The following TCF4 variants were observed in gnomAD, a reference collection of about 807,000 sequenced individuals.
TCF4 encodes the protein transcription factor 4, also known as SL3-3 enhancer factor 2.
In TCF4, 3 loss-of-function variants were observed where a neutral mutation model predicts 82.1. That is an observed-to-expected ratio of 0.04 (90% CI 0.02 to 0.09). The LOEUF is 0.09. TCF4 is among the 10% of genes least tolerant of loss of function. TCF4 has a pLI of 1.00. For missense variants in TCF4, 518 were observed against 852.7 expected (o/e 0.61, Z 4.89); for synonymous variants, 276 against 309.6 (o/e 0.89, Z 1.14).
intron 5 of TCF4, among the ~76,000 whole-genome samples, chr18:55,418,077 CAAT>C (rs1413627684): frequency 6.7e-6 from 1 of 149,548 alleles, no homozygotes; most frequent in East Asian, 2.0e-4. Context: ...AGATTCTAAA[CAAT>C]AATGATTATC....
intron 11 of TCF4, among the ~76,000 whole-genome samples, chr18:55,264,112 C>T (rs1306896154): frequency 6.6e-6 from 1 of 151,986 alleles, no homozygotes; most frequent in Non-Finnish European, 1.5e-5. Flanking sequence ...TTAGAAGAGG[C>T]AAGATATTAT....
At position 55,483,003 on chromosome 18, in the gene TCF4, T is replaced by C. The variant is rs114740105; in HGVS notation, c.146-18866A>G. ...TAGACGTAATTTTATATTTTTAGGATTCTCAAGTAATGTCTTGCCCACTGA... is the reference window on the plus strand; with the variant it reads ...TAGACGTAATTTTATATTTTTAGGACTCTCAAGTAATGTCTTGCCCACTGA... On this transcript the variant is annotated intron_variant, in intron 3 of 19. Coordinates refer to ENST00000354452, the MANE Select transcript of TCF4 (RefSeq NM_001083962.2). 102 of 152,340 alleles carry C rather than the reference T, an allele frequency of 6.7e-4. 1 individual carries two copies. The highest frequency in any genetic ancestry group is 2.4e-3 in the African/African-American group (98 of 41,564). The allele number at this position is 152,340 out of a possible 1,614,324, so 9.4% of individuals were successfully genotyped here. A position where few individuals can be genotyped will look rare whatever the true frequency, so the allele number is the denominator to read the frequency against.
At chr18:55,635,600 G>A (rs1603625828) in intron 1 of TCF4, 1 of 1,405,924 alleles carries the variant, frequency 7.1e-7, no homozygotes, top group Non-Finnish European at 9.4e-7. Context: ...AGAGGTTAGA[G>A]AGCTAGAAAC....
chr18:55,571,792 CAT>C (rs776129855), intron 3 of TCF4, among the ~76,000 whole-genome samples: 4 of 141,176 alleles, frequency 2.8e-5, no homozygotes, highest in South Asian at 4.5e-4. Flanking sequence ...ATAATTCAAG[CAT>C]AAAGAAAACA....
At chr18:55,370,579 A>T (rs2088805998) in intron 6 of TCF4, among the ~76,000 whole-genome samples, 1 of 152,156 alleles carries the variant, frequency 6.6e-6, no homozygotes, top group African/African-American at 2.4e-5. Flanking sequence ...CTAATTCAAA[A>T]TGGGCCGCTC....
Position 55,401,001 on chromosome 18 carries a change from C to G in TCF4, c.369+2453G>C, listed in dbSNP as rs1300294840. ...AGCCTCCCCTCCACGAGTCACTCAC[C>G]TTGTCACACAGTGGGGAATCATTTC... On this transcript the variant is annotated intron_variant, in intron 6 of 19. Transcript: ENST00000354452. 6 of 1,289,078 alleles carry G rather than the reference C, an allele frequency of 4.7e-6. No homozygotes were observed. The South Asian group carries it at 6.2e-5, about 13-fold the overall frequency. 79.9% of individuals were successfully genotyped at this position (1,289,078 alleles called of 1,614,324 possible). A position where few individuals can be genotyped will look rare whatever the true frequency, so the allele number is the denominator to read the frequency against.
rs921579450 is a variant in TCF4, at chr18:55,226,387, C to A, written c.*1648G>T. The A allele has an allele frequency of 1.3e-5, 2 of 152,406 alleles. No individual in the cohort carries two copies. The highest frequency in any genetic ancestry group is 6.6e-5 in the Admixed American group (1 of 15,264). 9.4% of individuals were successfully genotyped at this position (152,406 alleles called of 1,614,324 possible). A position where few individuals can be genotyped will look rare whatever the true frequency, so the allele number is the denominator to read the frequency against. ...CTAGGAGCACTATTTGTTTACTGCA[C>A]TATACACCAAAGTCAATCATTATAA... On this transcript the variant is annotated 3_prime_UTR_variant, in exon 20 of 20. Coordinates refer to ENST00000354452, the MANE Select transcript of TCF4 (RefSeq NM_001083962.2).
At chr18:55,602,091 A>T (rs2147947475) in intron 2 of TCF4, among the ~76,000 whole-genome samples, 1 of 152,336 alleles carries the variant, frequency 6.6e-6, no homozygotes, top group South Asian at 2.1e-4. Flanking sequence ...AAATATAGAA[A>T]ATATATAGCA....
intron 3 of TCF4, among the ~76,000 whole-genome samples, chr18:55,511,898 ATAAT>A (rs2096832323): frequency 6.6e-6 from 1 of 152,188 alleles, no homozygotes; most frequent in Non-Finnish European, 1.5e-5. Flanking sequence ...AATACTAAAA[ATAAT>A]TAATCATTGC....
chr18:55,357,501 G>C (rs1016368230), intron 6 of TCF4, among the ~76,000 whole-genome samples: 3 of 152,114 alleles, frequency 2.0e-5, no homozygotes, highest in Non-Finnish European at 2.9e-5. Flanking sequence ...AGTAAAAATA[G>C]AACAATTTGA....
At chr18:55,275,291 A>C (rs1435838479) in intron 10 of TCF4, among the ~76,000 whole-genome samples, 6 of 150,958 alleles carry the variant, frequency 4.0e-5, no homozygotes, top group African/African-American at 1.2e-4. Flanking sequence ...AAAAAAAAAA[A>C]AAAAAAACCA....
rs796053410 is a variant in TCF4, at chr18:55,588,046, C to T, written c.-29G>A. 8 of 983,088 alleles carry T rather than the reference C, an allele frequency of 8.1e-6. No individual in the cohort carries two copies. The African/African-American group carries it at 1.4e-4, about 17-fold the overall frequency. 60.9% of individuals were successfully genotyped at this position (983,088 alleles called of 1,614,324 possible). A position where few individuals can be genotyped will look rare whatever the true frequency, so the allele number is the denominator to read the frequency against. ...CAGGCGCCGGTACCTACCGCCCGCG[C>T]GCGAGAAGGGGCTCTCCGTGCACCG... On this transcript the variant is annotated 5_prime_UTR_variant, in exon 1 of 20. Coordinates refer to ENST00000354452, the MANE Select transcript of TCF4 (RefSeq NM_001083962.2).
rs368050589 is a variant in TCF4, at chr18:55,350,850, C to G, written c.499+24G>C. 6.8e-6 allele frequency: 11 copies of G among 1,612,758 alleles called. 1 individual carries two copies. The highest frequency in any genetic ancestry group is 9.3e-6 in the Non-Finnish European group (11 of 1,179,144). ...GAAAAAGGCATAATCATCCCTCAGG[C>G]ATTCAAACAAAGGAATACCTTACCC... On this transcript the variant is annotated intron_variant, in intron 7 of 19. Coordinates refer to ENST00000354452, the MANE Select transcript of TCF4 (RefSeq NM_001083962.2).
chr18:55,486,521 G>A (rs930035224), intron 3 of TCF4, among the ~76,000 whole-genome samples: 5 of 152,200 alleles, frequency 3.3e-5, no homozygotes, highest in African/African-American at 7.2e-5. Flanking sequence ...GAACCCGGGA[G>A]GCGAAGGTTG....
intron 3 of TCF4, among the ~76,000 whole-genome samples, chr18:55,538,021 C>CGT (rs1032779972): frequency 4.4e-5 from 6 of 135,868 alleles, no homozygotes; most frequent in African/African-American, 1.5e-4. Flanking sequence ...CTAGTCTGCG[C>CGT]GCGCGCACAC....
chr18:55,338,777 C>G (rs1271256781), intron 8 of TCF4, among the ~76,000 whole-genome samples: 1 of 152,100 alleles, frequency 6.6e-6, no homozygotes, highest in Non-Finnish European at 1.5e-5. Flanking sequence ...CTGAATGTGC[C>G]TTGTAATGTT....
intron 3 of TCF4, among the ~76,000 whole-genome samples, chr18:55,523,837 G>C (rs765253236): frequency 6.6e-6 from 1 of 151,972 alleles, no homozygotes; most frequent in Non-Finnish European, 1.5e-5. Context: ...TGAAGGGAAA[G>C]GATTTTTCTG....
intron 6 of TCF4, among the ~76,000 whole-genome samples, chr18:55,378,611 T>TAC (rs891515736): frequency 6.6e-6 from 1 of 152,204 alleles, no homozygotes; most frequent in Non-Finnish European, 1.5e-5. Flanking sequence ...ATTGAAAGGC[T>TAC]ACATCCTTCT....
At chr18:55,584,901 T>G (rs774001448) in intron 3 of TCF4, among the ~76,000 whole-genome samples, 35 of 152,166 alleles carry the variant, frequency 2.3e-4, no homozygotes, top group Non-Finnish European at 4.4e-4. Flanking sequence ...ATGATATTAT[T>G]TACAAGGGAT....
Sources: gnomAD v4.1 joint callset for allele counts (sites outside exome capture counted in the v4.1 genomes callset) on GRCh38, gnomAD v4.1.1 for gene constraint, MANE v1.5 for transcripts, NCBI Gene and HGNC (gene_info 2026-07-23, HGNC 2026-07-21) for gene names.